Variants in AEBP2 observed in about 807,000 individuals in gnomAD.
The protein encoded by AEBP2 is zinc finger protein AEBP2.
A neutral mutation model predicts 50.8 loss-of-function variants in AEBP2; 10 were observed. The ratio of observed to expected loss-of-function variants is 0.20; its 90% CI spans 0.12 to 0.33. AEBP2 has a LOEUF of 0.33. AEBP2 is among the 10% of genes least tolerant of loss of function. AEBP2 has a pLI of 1.00. For missense variants in AEBP2, 570 were observed against 688.0 expected, an observed-to-expected ratio of 0.83 and a Z score of 1.92; for synonymous variants, 296 against 261.3, an observed-to-expected ratio of 1.13 and a Z score of -1.28.
rs549438320 is a variant in AEBP2 at position 19,495,273 on chromosome 12, A to G, written c.1174+1287A>G. 2.6e-5 allele frequency among the ~76,000 whole-genome samples: 4 copies of G among 152,316 alleles called. No individual in the cohort carries two copies. In the South Asian group the frequency reaches 8.3e-4, roughly 32 times the overall value. On this transcript the variant is annotated intron_variant, in intron 4 of 7. Transcript: ENST00000266508. ...GGGTGAATGAGTGAATAAAGCTTTC[A>G]TTGAAAGGGAGTCTACTCCAAAGGT...
rs1248792827 is a variant in AEBP2, at chr12:19,439,552, T to G, written c.-148T>G. On this transcript the variant is annotated 5_prime_UTR_variant, in exon 1 of 8. Transcript: ENST00000266508. ...CCCCGCGCGGGCTCCGTAGCGCGTG[T>G]GCAGGCTGACGCAGCTCGCGGGCCC... 1 of 1,065,250 alleles carries G rather than the reference T, an allele frequency of 9.4e-7. No individual in the cohort carries two copies. The highest frequency in any genetic ancestry group is 1.3e-6 in the Non-Finnish European group (1 of 776,254). The allele number at this position is 1,065,250 out of a possible 1,614,324, so 66.0% of individuals were successfully genotyped here. A position where few individuals can be genotyped will look rare whatever the true frequency, so the allele number is the denominator to read the frequency against.
rs372821579 is a variant in AEBP2 at position 19,422,153 on chromosome 12, G to T, written c.-17+17937G>T. Among the ~76,000 whole-genome samples, 9 of 151,992 alleles carry T rather than the reference G, an allele frequency of 5.9e-5. No individual in the cohort carries two copies. The East Asian group carries it at 1.4e-3, about 23-fold the overall frequency. Reference sequence around the variant, plus strand: ...CAAGACTCTGGGTGGAGGGGGGAGGGGAAAGAAACTTTATAAAACCAGTAT... The same window carrying T: ...CAAGACTCTGGGTGGAGGGGGGAGGTGAAAGAAACTTTATAAAACCAGTAT... On this transcript the variant is annotated intron_variant, in intron 1 of 3. Transcript: ENST00000538425.
intron 1 of AEBP2, among the ~76,000 whole-genome samples, chr12:19,410,378 T>A (rs2095738645): frequency 6.6e-6 from 1 of 152,158 alleles, no homozygotes; most frequent in Admixed American, 6.5e-5. Context: ...CTTCATTACA[T>A]CAGAGGTTTG....
chr12:19,520,445 C>T lies in AEBP2; in HGVS notation c.*2328C>T, dbSNP rs1268336577. On this transcript the variant is annotated 3_prime_UTR_variant, in exon 8 of 8. Transcript: ENST00000266508. ...ATGTTGGTTTGATACTGTTAACACA[C>T]CAAAAAGAATATGGAATTGAAATGA... 1.3e-5 allele frequency: 2 copies of T among 151,996 alleles called. No individual in the cohort carries two copies. Among genetic ancestry groups the T allele is most frequent in the East Asian group, 3.8e-4 (2 of 5,196 alleles). 9.4% of individuals were successfully genotyped at this position (151,996 alleles called of 1,614,324 possible).
At position 19,439,583 on chromosome 12, in the gene AEBP2, C is replaced by G. The variant is rs1488127122; in HGVS notation, c.-117C>G. 6.6e-6 allele frequency: 9 copies of G among 1,359,864 alleles called. No homozygotes were observed. The highest frequency in any genetic ancestry group is 7.8e-6 in the Non-Finnish European group (8 of 1,025,920). 84.2% of individuals were successfully genotyped at this position (1,359,864 alleles called of 1,614,324 possible). A position where few individuals can be genotyped will look rare whatever the true frequency, so the allele number is the denominator to read the frequency against. On this transcript the variant is annotated 5_prime_UTR_variant, in exon 1 of 8. Coordinates refer to ENST00000266508, the MANE Select transcript of AEBP2 (RefSeq NM_153207.5). ...CTGACGCAGCTCGCGGGCCCTCCTC[C>G]TGCTCTGCAGCGGCGTCGGCGGAGT...
intron 1 of AEBP2, among the ~76,000 whole-genome samples, chr12:19,425,491 G>A (rs1461991809): frequency 6.6e-6 from 1 of 152,100 alleles, no homozygotes; most frequent in Admixed American, 6.6e-5. Flanking sequence ...ATTAGGCCAG[G>A]TCTGGCGGCT....
At chr12:19,497,652 T>C (rs78672732) in intron 4 of AEBP2, among the ~76,000 whole-genome samples, 1 of 152,116 alleles carries the variant, frequency 6.6e-6, no homozygotes, top group African/African-American at 2.4e-5. Context: ...TTTGTATTTT[T>C]AGTAGAGATG....
intron 1 of AEBP2, among the ~76,000 whole-genome samples, chr12:19,460,893 A>G (rs1395728361): frequency 6.6e-6 from 1 of 151,780 alleles, no homozygotes; most frequent in Non-Finnish European, 1.5e-5. Context: ...TGATCTTGTG[A>G]TCTGCCTGCT....
At chr12:19,472,992 TTATA>T (rs965162702) in intron 2 of AEBP2, among the ~76,000 whole-genome samples, 1 of 152,098 alleles carries the variant, frequency 6.6e-6, no homozygotes, top group Non-Finnish European at 1.5e-5. Flanking sequence ...ATTGCTAATA[TTATA>T]TATATTTCCT....
chr12:19,407,076 A>T (rs1379748526), intron 1 of AEBP2, among the ~76,000 whole-genome samples: 1 of 152,186 alleles, frequency 6.6e-6, no homozygotes, highest in Non-Finnish European at 1.5e-5. Context: ...CTGAGACAGG[A>T]AGATTACTCA....
intron 5 of AEBP2, among the ~76,000 whole-genome samples, chr12:19,512,057 T>G (rs1949240572): frequency 6.6e-6 from 1 of 151,296 alleles, no homozygotes; most frequent in Non-Finnish European, 1.5e-5. Flanking sequence ...TGAGATGGAG[T>G]CTTGCCCAGG....
intron 3 of AEBP2, among the ~76,000 whole-genome samples, chr12:19,485,140 T>C (rs1948787655): frequency 6.6e-6 from 1 of 152,228 alleles, no homozygotes; most frequent in South Asian, 2.1e-4. Flanking sequence ...AAGGCAGCCT[T>C]TCTGCTGGTT....
intron 1 of AEBP2, chr12:19,413,578 G>A: frequency 4.8e-6 from 3 of 620,256 alleles, no homozygotes; most frequent in South Asian, 1.8e-5. Flanking sequence ...AACTTGTTAT[G>A]CAAAATAAAA....
At position 19,453,963 on chromosome 12, in the gene AEBP2, C is replaced by T. The variant is rs950340067; in HGVS notation, c.672-8547C>T. 2.6e-5 allele frequency among the ~76,000 whole-genome samples: 4 copies of T among 151,946 alleles called. No individual in the cohort carries two copies. The South Asian group carries it at 8.3e-4, about 32-fold the overall frequency. The stretch of plus-strand genomic sequence containing the variant: ...CAGGCTTGATCCACCATGCCTGGCC[C>T]CCAGTTTATGTCTTTATTCTGTTTT... On this transcript the variant is annotated intron_variant, in intron 1 of 7. Transcript: ENST00000266508.
At chr12:19,459,922 CA>C (rs1380310188) in intron 1 of AEBP2, among the ~76,000 whole-genome samples, 1 of 152,052 alleles carries the variant, frequency 6.6e-6, no homozygotes, top group Non-Finnish European at 1.5e-5. Flanking sequence ...TCTGCCGCTA[CA>C]AAAAAATAGA....
chr12:19,423,498 C>T (rs1309113475), intron 1 of AEBP2, among the ~76,000 whole-genome samples: 1 of 152,068 alleles, frequency 6.6e-6, no homozygotes, highest in South Asian at 2.1e-4. Flanking sequence ...CTTGCTAATA[C>T]AGGTTAATAC....
chr12:19,493,845 C>G lies in AEBP2; in HGVS notation c.1033C>G (p.Leu345Val), dbSNP rs767614086. Residue 345 changes from leucine to valine, a missense_variant, in exon 4 of 8, where the codon CTA (leucine) becomes GTA (valine). Physicochemically the swap from Leu to Val is conservative, Grantham distance 32. Around this residue, in one of 2 missense-constraint regions of AEBP2, gnomAD observed 184 missense variants for 351.2 expected, o/e 0.52. Transcript: ENST00000266508. Reference sequence around the variant, plus strand: ...TGCCAGCTTTGCTTCTCAGGGAGGGCTAGCTCGTCATGTACCCACACACTT... The same window carrying G: ...TGCCAGCTTTGCTTCTCAGGGAGGGGTAGCTCGTCATGTACCCACACACTT... ...CNASFASQGGLARHVPTHFSQ... is the reference protein window; with the variant it reads ...CNASFASQGGVARHVPTHFSQ... 6.2e-7 allele frequency: 1 copy of G among 1,613,830 alleles called. No individual in the cohort carries two copies. The highest frequency in any genetic ancestry group is 8.5e-7 in the Non-Finnish European group (1 of 1,179,844).
intron 5 of AEBP2, among the ~76,000 whole-genome samples, chr12:19,504,007 TG>T (rs1430561442): frequency 6.6e-6 from 1 of 152,142 alleles, no homozygotes; most frequent in Non-Finnish European, 1.5e-5. Flanking sequence ...AATTTATTTT[TG>T]GTAGAGGCAA....
intron 1 of AEBP2, among the ~76,000 whole-genome samples, chr12:19,432,145 A>G (rs2095751736): frequency 6.6e-6 from 1 of 152,178 alleles, no homozygotes; most frequent in Non-Finnish European, 1.5e-5. Flanking sequence ...GAGAAGCCCT[A>G]CAAGAAAGAC....
Sources: gnomAD v4.1 joint callset for allele counts (sites outside exome capture counted in the v4.1 genomes callset) on GRCh38, gnomAD v4.1.1 for gene constraint, gnomAD v4.1.1 regional missense constraint, MANE v1.5 for transcripts, NCBI Gene and HGNC (gene_info 2026-07-23, HGNC 2026-07-21) for gene names.